FBXO44: variants seen among roughly 807,000 people sequenced by gnomAD.
FBXO44 encodes F-box protein 44, also known as F-box only protein 44.
FBXO44 carries 25 observed loss-of-function variants against 33.5 expected under a neutral mutation model. The ratio of observed to expected loss-of-function variants is 0.75; its 90% CI spans 0.54 to 1.04. The LOEUF (loss-of-function observed/expected upper bound fraction) is 1.04, where lower values mean the gene tolerates loss of function less well. Ranked by LOEUF, FBXO44 falls within the 50% of genes least tolerant of loss-of-function variation. The probability of loss-of-function intolerance (pLI) is 0.00; values close to 1 mark genes in which losing one functional copy is unlikely to be tolerated. For missense variants in FBXO44, 311 were observed against 344.0 expected, an observed-to-expected ratio of 0.90 and a Z score of 0.76; for synonymous variants, 147 against 152.8, an observed-to-expected ratio of 0.96 and a Z score of 0.28.
Position 11,655,817 on chromosome 1 carries a change from T to C in FBXO44, c.-19T>C. The stretch of plus-strand genomic sequence containing the variant: ...TAGCTTTTCAACAGCTACAGGAGGG[T>C]GTCCAGAAGCCACAAGCCATGGCTG... On this transcript the variant is annotated 5_prime_UTR_variant, in exon 2 of 6. Transcript: ENST00000251547. 6.2e-7 allele frequency: 1 copy of C among 1,609,764 alleles called. No individual in the cohort carries two copies. Among genetic ancestry groups the C allele is most frequent in the Non-Finnish European group, 8.5e-7 (1 of 1,177,296 alleles).
chr1:11,657,560 C>A (rs927141095), intron 2 of FBXO44, among the ~76,000 whole-genome samples: 3 of 151,978 alleles, frequency 2.0e-5, no homozygotes, highest in African/African-American at 7.3e-5. Flanking sequence ...GCCAACATGG[C>A]GAAACACCAT....
chr1:11,658,468 C>T, intron 3 of FBXO44, 65 bp from the exon 4 acceptor site: 1 of 1,609,108 alleles, frequency 6.2e-7, no homozygotes, highest in South Asian at 1.1e-5. Context: ...CTGGAAGGGG[C>T]AGTCCTAGCC....
chr1:11,659,895 T>A (rs1415353642), intron 5 of FBXO44, among the ~76,000 whole-genome samples: 1 of 152,248 alleles, frequency 6.6e-6, no homozygotes, highest in East Asian at 1.9e-4. Flanking sequence ...TCTGCTGTTG[T>A]GTGAAAACAG....
intron 5 of FBXO44, among the ~76,000 whole-genome samples, chr1:11,659,247 C>T (rs970525375): frequency 6.6e-6 from 1 of 152,146 alleles, no homozygotes; most frequent in South Asian, 2.1e-4. Flanking sequence ...ATTACCCAGG[C>T]GTGGTGGCAC....
Position 11,658,128 on chromosome 1 carries a change from T to C in FBXO44, c.266-139T>C, listed in dbSNP as rs1381708501. The stretch of plus-strand genomic sequence containing the variant: ...GAAGCACCTAATACGCGGTGGGCAC[T>C]GTGATCTGCAGCGTCCCACAGCACA... On this transcript the variant is annotated intron_variant, in intron 2 of 5. Transcript: ENST00000251547. 5 of 1,409,750 alleles carry C rather than the reference T, an allele frequency of 3.5e-6. No homozygotes were observed. In the Admixed American group the frequency reaches 1.1e-4, roughly 32 times the overall value. 87.3% of individuals were successfully genotyped at this position (1,409,750 alleles called of 1,614,324 possible). A position where few individuals can be genotyped will look rare whatever the true frequency, so the allele number is the denominator to read the frequency against.
intron 1 of FBXO44, chr1:11,655,605 A>G (rs774947203): frequency 1.4e-4 from 84 of 591,052 alleles, no homozygotes; most frequent in Admixed American, 7.5e-4. Context: ...TTCCACCTCT[A>G]TTGTGAGAGG....
rs1639663627 is a variant in FBXO44, at chr1:11,654,924, A to AG, written c.-59_-58insG. 4 of 143,952 alleles carry AG rather than the reference A, an allele frequency of 2.8e-5. No individual in the cohort carries two copies. Among genetic ancestry groups the AG allele is most frequent in the Non-Finnish European group, 6.1e-5 (4 of 65,226 alleles). The allele number at this position is 143,952 out of a possible 1,614,324, so 8.9% of individuals were successfully genotyped here. A position where few individuals can be genotyped will look rare whatever the true frequency, so the allele number is the denominator to read the frequency against. ...CAGGCGGTGCAGCTTGGGCGGCCCA[A>AG]CGGATCGTGCCGCGGCGGCCGAGCG... On this transcript the variant is annotated 5_prime_UTR_variant, in exon 1 of 6. Transcript: ENST00000251547.
rs1640004424 is a variant in FBXO44, at chr1:11,658,872, G to A, written c.624+1G>A. 8 of 1,605,658 alleles carry A rather than the reference G, an allele frequency of 5.0e-6. No individual in the cohort carries two copies. Among genetic ancestry groups the A allele is most frequent in the Non-Finnish European group, 6.8e-6 (8 of 1,179,930 alleles). On this transcript the variant is annotated splice_donor_variant, in intron 5 of 5. Transcript: ENST00000251547. LOFTEE classifies it high-confidence loss of function. ...GAAGAGCGATGCCAAGTGGAGGGAG[G>A]TGCGTGGGCCTGGGGGACGGGGGCA...
At position 11,661,369 on chromosome 1, in the gene FBXO44, C is replaced by T. The variant is rs1640179617; in HGVS notation, c.*96C>T. ...GAAGGGGAGGTGGAGGCCAGGTGTC[C>T]CCAGACCTCTAACCCTTGCCCCTAG... is the stretch of plus-strand genomic sequence containing the variant. On this transcript the variant is annotated 3_prime_UTR_variant, in exon 6 of 6. Coordinates refer to ENST00000251547, the MANE Select transcript of FBXO44 (RefSeq NM_033182.7). The surrounding 1 kb of genome is among the most constrained non-coding windows in gnomAD (Gnocchi z 4.4). 4 of 1,557,214 alleles carry T rather than the reference C, an allele frequency of 2.6e-6. No individual in the cohort carries two copies. Among genetic ancestry groups the T allele is most frequent in the Non-Finnish European group, 3.5e-6 (4 of 1,140,572 alleles).
At position 11,661,018 on chromosome 1, in the gene FBXO44, AACAACCCTCCC is replaced by A; in HGVS notation, c.625-109_625-99del. 8.5e-7 allele frequency: 1 copy of A among 1,179,324 alleles called. No homozygotes were observed. Among genetic ancestry groups the A allele is most frequent in the Non-Finnish European group, 1.2e-6 (1 of 833,736 alleles). 73.1% of individuals were successfully genotyped at this position (1,179,324 alleles called of 1,614,324 possible). A position where few individuals can be genotyped will look rare whatever the true frequency, so the allele number is the denominator to read the frequency against. On this transcript the variant is annotated intron_variant, in intron 5 of 5. Coordinates refer to ENST00000251547, the MANE Select transcript of FBXO44 (RefSeq NM_033182.7). This position sits in a 1 kb window ranked among gnomAD's most constrained non-coding sequence, Gnocchi z 4.4. ...GACTAGTTGCAAACTCCTGGGCTCAAACAACCCTCCCACCTCAGCCTCCCAAAGTACTGGGA... is the reference window on the plus strand; with the variant it reads ...GACTAGTTGCAAACTCCTGGGCTCAAACCTCAGCCTCCCAAAGTACTGGGA...
At chr1:11,656,686 C>T (rs771787706) in intron 2 of FBXO44, among the ~76,000 whole-genome samples, 33 of 152,290 alleles carry the variant, frequency 2.2e-4, no homozygotes, top group Middle Eastern at 3.4e-3. Context: ...TGGTCTCAAA[C>T]TCCTGGCCTC....
intron 5 of FBXO44, among the ~76,000 whole-genome samples, chr1:11,660,247 C>G (rs1389185109): frequency 6.6e-6 from 1 of 152,228 alleles, no homozygotes; most frequent in African/African-American, 2.4e-5. Flanking sequence ...ACCACAACCT[C>G]TGCCTCCCGG....
At position 11,661,274 on chromosome 1, in the gene FBXO44, C is replaced by T; in HGVS notation, c.*1C>T. On this transcript the variant is annotated 3_prime_UTR_variant, in exon 6 of 6. Coordinates refer to ENST00000251547, the MANE Select transcript of FBXO44 (RefSeq NM_033182.7). The surrounding 1 kb of genome is among the most constrained non-coding windows in gnomAD (Gnocchi z 4.4). ...CACCATCGGGCCCCCGCTGCCCTGA[C>T]ACCCCCTGAGCCCCCATCTGCTGAA... is the stretch of plus-strand genomic sequence containing the variant. The T allele has an allele frequency of 6.2e-7, 1 of 1,614,118 alleles. No individual in the cohort carries two copies. Among genetic ancestry groups the T allele is most frequent in the Non-Finnish European group, 8.5e-7 (1 of 1,180,008 alleles).
intron 2 of FBXO44, 91 bp from the exon 3 acceptor site, chr1:11,658,176 A>T: frequency 1.3e-6 from 2 of 1,589,564 alleles, no homozygotes; most frequent in Non-Finnish European, 1.7e-6. Context: ...AGCCGCCAAG[A>T]TGCAGGCAGA....
intron 2 of FBXO44, among the ~76,000 whole-genome samples, chr1:11,656,772 G>C (rs1014516953): frequency 1.3e-5 from 2 of 152,138 alleles, no homozygotes; most frequent in Non-Finnish European, 2.9e-5. Context: ...CTCTTATTCT[G>C]CTCTTAAGAT....
intron 5 of FBXO44, 149 bp from the exon 6 acceptor site, chr1:11,660,981 G>C (rs1640146494): frequency 1.3e-6 from 1 of 740,998 alleles, no homozygotes; most frequent in Non-Finnish European, 2.2e-6. Context: ...CTCACTCTCT[G>C]GTTTGCGACA....
In FBXO44 at chr1:11,661,402, T is replaced by C. The variant is rs778786262; in HGVS notation, c.*129T>C. 6 of 1,386,914 alleles carry C rather than the reference T, an allele frequency of 4.3e-6. No homozygotes were observed. Among genetic ancestry groups the C allele is most frequent in the East Asian group, 2.3e-5 (1 of 42,608 alleles). The allele number at this position is 1,386,914 out of a possible 1,614,324, so 85.9% of individuals were successfully genotyped here. On this transcript the variant is annotated 3_prime_UTR_variant, in exon 6 of 6. Transcript: ENST00000251547. This position sits in a 1 kb window ranked among gnomAD's most constrained non-coding sequence, Gnocchi z 4.4. ...TCTAACCCTTGCCCCTAGCAGCCTC[T>C]TCTTTGTGGAGCCTCTCAGTGTGGG...
chr1:11,654,424 G>T, upstream of FBXO44: 1 of 1,277,016 alleles, frequency 7.8e-7, no homozygotes, highest in Non-Finnish European at 1.0e-6. Context: ...GGCGCTGTCC[G>T]CGTCTGTGTC....
At chr1:11,655,684 C>G (rs766558770) in intron 1 of FBXO44, 122 bp from the exon 2 acceptor site, 7 of 1,034,690 alleles carry the variant, frequency 6.8e-6, no homozygotes, top group Non-Finnish European at 9.7e-6. Context: ...TTGGACCGCC[C>G]CAGTGACCCC....
Sources: allele counts gnomAD v4.1 joint callset (sites outside exome capture counted in the v4.1 genomes callset), GRCh38; gene constraint gnomAD v4.1.1; non-coding constraint Gnocchi (gnomAD v3.1); transcripts MANE v1.5; gene names NCBI Gene and HGNC (gene_info 2026-07-23, HGNC 2026-07-21).